ITIH5: variants seen among roughly 807,000 people sequenced by gnomAD.
ITIH5 encodes inter-alpha-trypsin inhibitor heavy chain 5, also known as inter-alpha-trypsin inhibitor heavy chain H5.
Under a neutral mutation model 77.5 loss-of-function variants are expected in ITIH5, and 65 were observed. The ratio of observed to expected loss-of-function variants is 0.84; its 90% CI spans 0.69 to 1.03. ITIH5 has a LOEUF of 1.03. Among genes scored for constraint, ITIH5 ranks in the 50% least tolerant of loss-of-function variants. ITIH5 has a pLI of 0.00. For missense variants in ITIH5, 1,208 were observed against 1,213.1 expected, an observed-to-expected ratio of 1.00 and a Z score of 0.06; for synonymous variants, 525 against 494.3, an observed-to-expected ratio of 1.06 and a Z score of -0.82.
At chr10:7,659,920 TGCC>T (rs1834248804) in intron 1 of ITIH5, among the ~76,000 whole-genome samples, 1 of 152,182 alleles carries the variant, frequency 6.6e-6, no homozygotes, top group Non-Finnish European at 1.5e-5. Context: ...GTTTTCCCGG[TGCC>T]TTTTAAGAAA....
At chr10:7,606,117 G>A (rs547453876) in intron 7 of ITIH5, among the ~76,000 whole-genome samples, 17 of 152,270 alleles carry the variant, frequency 1.1e-4, no homozygotes, top group Admixed American at 3.3e-4. Flanking sequence ...TGCGGGCAAC[G>A]TTGCAGAGAA....
chr10:7,568,651 A>G (rs1181993644), intron 12 of ITIH5, among the ~76,000 whole-genome samples: 1 of 152,208 alleles, frequency 6.6e-6, no homozygotes, highest in East Asian at 1.9e-4. Context: ...GTGCAACCCA[A>G]CATTCCAAGA....
intron 5 of ITIH5, chr10:7,622,397 T>C (rs1183538589): frequency 6.6e-6 from 1 of 152,178 alleles, no homozygotes; most frequent in Non-Finnish European, 1.5e-5. Context: ...TGTTGAGATG[T>C]AGTGAGATCT....
chr10:7,579,572 A>G (rs1251241578), intron 9 of ITIH5, among the ~76,000 whole-genome samples, 183 bp downstream of exon 9: 2 of 152,142 alleles, frequency 1.3e-5, no homozygotes, highest in East Asian at 1.9e-4. Flanking sequence ...GGAGGATCAG[A>G]ATTCGAACTC....
rs527376816 is a variant in ITIH5, at chr10:7,615,810, T to C, written c.939+172A>G. On this transcript the variant is annotated intron_variant, in intron 7 of 13. Coordinates refer to ENST00000397146, the MANE Select transcript of ITIH5 (RefSeq NM_030569.7). ...CTCTCTTAAAACCACCACGCTGAAA[T>C]ACAGTTTATGTCAAATGACTTAACT... Among the ~76,000 whole-genome samples, 9 of 152,324 alleles carry C rather than the reference T, an allele frequency of 5.9e-5. No individual in the cohort carries two copies. In the South Asian group the frequency reaches 1.7e-3, roughly 28 times the overall value.
chr10:7,657,283 G>A (rs936469382), intron 1 of ITIH5, among the ~76,000 whole-genome samples: 14 of 151,954 alleles, frequency 9.2e-5, no homozygotes, highest in Middle Eastern at 3.4e-3. Flanking sequence ...TCCTGACCTC[G>A]TGATCCGCCC....
chr10:7,635,724 G>A (rs372631007), intron 5 of ITIH5, among the ~76,000 whole-genome samples: 33 of 152,148 alleles, frequency 2.2e-4, no homozygotes, highest in East Asian at 3.9e-4. Flanking sequence ...TGTATTTTCC[G>A]CACTGTTTGC....
rs181306299 is a variant in ITIH5 at position 7,563,216 on chromosome 10, T to C, written c.2696A>G (p.Glu899Gly). 2.0e-5 allele frequency: 33 copies of C among 1,614,238 alleles called. No individual in the cohort carries two copies. Among genetic ancestry groups the C allele is most frequent in the Non-Finnish European group, 2.8e-5 (33 of 1,180,040 alleles). The change falls in exon 14 of 14, where the codon GAA (glutamate) becomes GGA (glycine). Residue 899 changes from glutamate to glycine, a missense_variant. Physicochemically the swap from Glu to Gly is moderately conservative, Grantham distance 98 (BLOSUM62 -2). Coordinates refer to ENST00000397146, the MANE Select transcript of ITIH5 (RefSeq NM_030569.7). The stretch of plus-strand genomic sequence containing the variant: ...GGCAAACCAGCAGTCTATCTGCTCT[T>C]CCCCGTTGTAAATCTTCCTTTGCTT... ...VWKQRKIYNG[E>G]EQIDCWFARN... is the part of the protein sequence containing the mutation.
chr10:7,608,473 A>G (rs946715679), intron 7 of ITIH5, among the ~76,000 whole-genome samples: 9 of 152,140 alleles, frequency 5.9e-5, no homozygotes, highest in African/African-American at 2.2e-4. Flanking sequence ...GGTACAGATG[A>G]GGTCTCACTA....
intron 7 of ITIH5, among the ~76,000 whole-genome samples, chr10:7,613,949 G>A (rs1004831605): frequency 2.6e-5 from 4 of 152,144 alleles, no homozygotes; most frequent in African/African-American, 9.7e-5. Context: ...TATTCCCCCA[G>A]AGATCTGACA....
intron 7 of ITIH5, among the ~76,000 whole-genome samples, chr10:7,594,633 T>G (rs1387048774): frequency 6.6e-6 from 1 of 152,108 alleles, no homozygotes; most frequent in African/African-American, 2.4e-5. Context: ...AAGTGTCTGA[T>G]TTTAGAAGGC....
chr10:7,628,390 T>A (rs976122126), intron 5 of ITIH5, among the ~76,000 whole-genome samples: 55 of 152,236 alleles, frequency 3.6e-4, no homozygotes, highest in Non-Finnish European at 7.5e-4. Context: ...ACCTTTTCAG[T>A]CTGGCTTCTT....
intron 4 of ITIH5, among the ~76,000 whole-genome samples, chr10:7,638,838 G>A (rs949222977): frequency 6.6e-6 from 1 of 152,228 alleles, no homozygotes; most frequent in African/African-American, 2.4e-5. Flanking sequence ...CTCCCAATCA[G>A]TGATGTCTTT....
intron 7 of ITIH5, among the ~76,000 whole-genome samples, chr10:7,588,122 G>A (rs577239621): frequency 5.3e-4 from 81 of 152,316 alleles, no homozygotes; most frequent in Non-Finnish European, 8.7e-4. Context: ...GGTGGCTCAT[G>A]CCTCTAATCC....
Position 7,563,110 on chromosome 10 carries a change from A to T in ITIH5, c.2802T>A (p.Leu934=), listed in dbSNP as rs1159836977. 1.9e-6 allele frequency: 3 copies of T among 1,610,226 alleles called. No homozygotes were observed. Among genetic ancestry groups the T allele is most frequent in the Non-Finnish European group, 2.5e-6 (3 of 1,179,800 alleles). Residue 934 remains leucine, a synonymous_variant, in exon 14 of 14, where the codon CTT becomes CTA. Transcript: ENST00000397146. ...ASHPFDTGMT[L]GRGMSREL ...AGAGCTCCCTGGACATTCCCCGGCC[A>T]AGTGTCATCCCTGTGTCAAATGGAT...
intron 8 of ITIH5, among the ~76,000 whole-genome samples, chr10:7,583,976 C>T (rs1029608284): frequency 1.2e-4 from 19 of 152,216 alleles, no homozygotes; most frequent in African/African-American, 4.6e-4. Context: ...TTAAAGAGGA[C>T]TTCCTATGTG....
At chr10:7,645,585 T>C (rs1287102334) in intron 2 of ITIH5, among the ~76,000 whole-genome samples, 4 of 152,154 alleles carry the variant, frequency 2.6e-5, no homozygotes, top group African/African-American at 4.8e-5. Context: ...CTTGAATAAA[T>C]CACCAAAATT....
intron 7 of ITIH5, among the ~76,000 whole-genome samples, chr10:7,611,382 C>T (rs1833241200): frequency 6.6e-6 from 1 of 152,168 alleles, no homozygotes; most frequent in Non-Finnish European, 1.5e-5. Flanking sequence ...ATTTAGGAGA[C>T]CCTAATTTAG....
chr10:7,587,585 C>G (rs2130980545), intron 7 of ITIH5, among the ~76,000 whole-genome samples: 1 of 152,332 alleles, frequency 6.6e-6, no homozygotes, highest in African/African-American at 2.4e-5. Context: ...CAAGTTACCC[C>G]ATCCATAAAA....
Sources: allele counts gnomAD v4.1 joint callset (sites outside exome capture counted in the v4.1 genomes callset), GRCh38; gene constraint gnomAD v4.1.1; transcripts MANE v1.5; gene names NCBI Gene and HGNC (gene_info 2026-07-23, HGNC 2026-07-21).